The following FAM135A variants were observed in gnomAD, a reference collection of about 807,000 sequenced individuals.
The protein encoded by FAM135A is family with sequence similarity 135 member A, also known as protein FAM135A.
Under a neutral mutation model 146.8 loss-of-function variants are expected in FAM135A, and 79 were observed. That is an observed-to-expected ratio of 0.54 (90% CI 0.45 to 0.65). FAM135A has a LOEUF of 0.65. FAM135A is among the 30% of genes least tolerant of loss of function. The pLI is 0.00. For missense variants in FAM135A, 1,623 were observed against 1,758.2 expected, an observed-to-expected ratio of 0.92 and a Z score of 1.38; for synonymous variants, 562 against 603.6, an observed-to-expected ratio of 0.93 and a Z score of 1.01.
chr6:70,518,288 A>G (rs560652872), intron 12 of FAM135A, among the ~76,000 whole-genome samples: 19 of 152,308 alleles, frequency 1.2e-4, no homozygotes, highest in African/African-American at 4.6e-4. Context: ...ACTCTTTTCA[A>G]TTCTATGAAG....
At chr6:70,457,721 A>G (rs575281116) in intron 5 of FAM135A, among the ~76,000 whole-genome samples, 3 of 152,228 alleles carry the variant, frequency 2.0e-5, no homozygotes, top group Admixed American at 6.5e-5. Flanking sequence ...AAAAATTAAC[A>G]GAAGTTATAA....
intron 11 of FAM135A, among the ~76,000 whole-genome samples, chr6:70,495,995 C>G (rs1441855137): frequency 6.6e-6 from 1 of 152,144 alleles, no homozygotes; most frequent in African/African-American, 2.4e-5. Context: ...GCATAGTATT[C>G]CATGGTGTAT....
intron 21 of FAM135A, 67 bp downstream of exon 21, chr6:70,556,930 A>T: frequency 8.4e-7 from 1 of 1,185,754 alleles, no homozygotes. Flanking sequence ...TTTTTCTTGT[A>T]GTCACTTTCT....
rs770865086 is a variant in FAM135A, at chr6:70,481,387, G to A, written c.669+360G>A. On this transcript the variant is annotated intron_variant, in intron 9 of 21. Transcript: ENST00000418814. The stretch of plus-strand genomic sequence containing the variant: ...GCGCAGGCCAGGTGTTGTGGCTCAC[G>A]CCTGTAATCCCAACACTTTGGAAGG... 4.6e-5 allele frequency among the ~76,000 whole-genome samples: 7 copies of A among 152,214 alleles called. No homozygotes were observed. In the South Asian group the frequency reaches 8.3e-4, roughly 18 times the overall value.
chr6:70,519,462 A>T (rs1005115165), intron 12 of FAM135A, among the ~76,000 whole-genome samples: 1 of 152,198 alleles, frequency 6.6e-6, no homozygotes, highest in African/African-American at 2.4e-5. Context: ...TTGAAGTTCT[A>T]CTCTGGGTAA....
chr6:70,512,141 C>T, intron 12 of FAM135A, among the ~76,000 whole-genome samples: 1 of 152,054 alleles, frequency 6.6e-6, no homozygotes, highest in South Asian at 2.1e-4. Flanking sequence ...CCATAAGCAA[C>T]TACTGTCTTG....
At chr6:70,542,615 C>T (rs1454846543) in intron 20 of FAM135A, among the ~76,000 whole-genome samples, 2 of 152,154 alleles carry the variant, frequency 1.3e-5, no homozygotes, top group East Asian at 3.9e-4. Flanking sequence ...CTCACTGCAG[C>T]CTTGAACTCG....
At position 70,525,471 on chromosome 6, in the gene FAM135A, G is replaced by T; in HGVS notation, c.2387G>T (p.Gly796Val). 6.2e-7 allele frequency: 1 copy of T among 1,612,716 alleles called. No homozygotes were observed. Among genetic ancestry groups the T allele is most frequent in the Non-Finnish European group, 8.5e-7 (1 of 1,179,412 alleles). Reference protein sequence around the residue: ...DLVFETVQGQGPCNSERLFPQ... With the variant: ...DLVFETVQGQVPCNSERLFPQ... Reference sequence around the variant, plus strand: ...GTCTTTGAAACTGTGCAAGGGCAAGGTCCTTGCAATAGTGAAAGATTATTT... The same window carrying T: ...GTCTTTGAAACTGTGCAAGGGCAAGTTCCTTGCAATAGTGAAAGATTATTT... The change falls in exon 15 of 22, where the codon GGT becomes GTT. Residue 796 changes from glycine to valine, a missense_variant. This residue lies in a region of FAM135A where 1,061 missense variants were observed against 1,113.8 expected (regional missense o/e 0.95). Transcript: ENST00000418814.
chr6:70,447,773 C>G (rs1275540220), intron 4 of FAM135A, among the ~76,000 whole-genome samples: 1 of 152,180 alleles, frequency 6.6e-6, no homozygotes, highest in Non-Finnish European at 1.5e-5. Flanking sequence ...CTTTTTTCCC[C>G]TATCTGGCAG....
Position 70,526,172 on chromosome 6 carries a change from A to C in FAM135A, c.3088A>C (p.Ser1030Arg), listed in dbSNP as rs1262115186. 1.2e-6 allele frequency: 2 copies of C among 1,613,516 alleles called. No homozygotes were observed. The highest frequency in any genetic ancestry group is 1.7e-5 in the Admixed American group (1 of 59,984). The stretch of plus-strand genomic sequence containing the variant: ...GGGTACAAGTGATCCTTTTTCAGCC[A>C]GTACTGATATAGTAAAGCAAGGGCT... ...HLGTSDPFSA[S>R]TDIVKQGLVE... Residue 1030 changes from serine (S) to arginine (R), a missense_variant, in exon 15 of 22, where the codon AGT becomes CGT. Ser to Arg is a moderately radical substitution (Grantham distance 110). This residue lies in a region of FAM135A where 1,061 missense variants were observed against 1,113.8 expected (regional missense o/e 0.95). Transcript: ENST00000418814.
chr6:70,534,021 T>C (rs1036801861), intron 18 of FAM135A, among the ~76,000 whole-genome samples, 167 bp downstream of exon 18: 1 of 152,014 alleles, frequency 6.6e-6, no homozygotes, highest in Non-Finnish European at 1.5e-5. Context: ...TTATATGAAA[T>C]GTCCAAAAAA....
chr6:70,528,992 C>T (rs1397722217), intron 16 of FAM135A, among the ~76,000 whole-genome samples: 1 of 151,884 alleles, frequency 6.6e-6, no homozygotes, highest in Non-Finnish European at 1.5e-5. Flanking sequence ...CCAGCTTCAT[C>T]CATGTCCCTG....
In FAM135A at chr6:70,511,131, T is replaced by C. The variant is rs544971289; in HGVS notation, c.1029+8340T>C. Among the ~76,000 whole-genome samples the C allele has an allele frequency of 1.2e-3, 186 of 152,094 alleles. 1 individual carries two copies. The highest frequency in any genetic ancestry group is 3.6e-3 in the Admixed American group (55 of 15,260). On this transcript the variant is annotated intron_variant, in intron 12 of 21. Coordinates refer to ENST00000418814, the MANE Select transcript of FAM135A (RefSeq NM_001162529.3). ...TTTCCCCATATTTTAATTGGGTTGT[T>C]TGTCTTTTTGTTGTTGAGTTTCAGT...
intron 5 of FAM135A, among the ~76,000 whole-genome samples, chr6:70,457,818 G>A (rs928417740): frequency 3.9e-5 from 6 of 152,128 alleles, no homozygotes; most frequent in African/African-American, 1.2e-4. Context: ...ATGACAAACT[G>A]TGTCAGAAAT....
At chr6:70,514,438 A>G (rs955128507) in intron 12 of FAM135A, among the ~76,000 whole-genome samples, 4 of 152,148 alleles carry the variant, frequency 2.6e-5, no homozygotes, top group African/African-American at 9.7e-5. Context: ...ATTATTGTTT[A>G]AAAGTCCTTG....
intron 20 of FAM135A, among the ~76,000 whole-genome samples, chr6:70,551,227 C>G (rs928140950): frequency 1.3e-5 from 2 of 152,224 alleles, no homozygotes; most frequent in African/African-American, 4.8e-5. Context: ...TTGACTAACT[C>G]TTTGGCACAA....
At chr6:70,506,653 T>C (rs1162961912) in intron 12 of FAM135A, among the ~76,000 whole-genome samples, 1 of 151,690 alleles carries the variant, frequency 6.6e-6, no homozygotes, top group Non-Finnish European at 1.5e-5. Context: ...CCAGTAGAAG[T>C]AAAGGCCAGT....
chr6:70,474,371 CA>C (rs1382523983), intron 5 of FAM135A, among the ~76,000 whole-genome samples: 4 of 152,006 alleles, frequency 2.6e-5, no homozygotes, highest in African/African-American at 7.3e-5. Context: ...ATCAATGACC[CA>C]GAGATAAAAA....
At chr6:70,535,221 G>T (rs191119423) in intron 18 of FAM135A, among the ~76,000 whole-genome samples, 2 of 152,084 alleles carry the variant, frequency 1.3e-5, no homozygotes, top group African/African-American at 4.8e-5. Context: ...TGAGCGTCTC[G>T]CAAGATATAC....
Sources: gnomAD v4.1 joint callset for allele counts (sites outside exome capture counted in the v4.1 genomes callset) on GRCh38, gnomAD v4.1.1 for gene constraint, gnomAD v4.1.1 regional missense constraint, MANE v1.5 for transcripts, NCBI Gene and HGNC (gene_info 2026-07-23, HGNC 2026-07-21) for gene names.